Variants in PTPRN2 observed in about 807,000 individuals in gnomAD.
PTPRN2 encodes receptor-type tyrosine-protein phosphatase N2.
PTPRN2 carries 74 observed loss-of-function variants against 118.8 expected under a neutral mutation model. That is an observed-to-expected ratio of 0.62 (90% confidence interval 0.52 to 0.76). The LOEUF is 0.76. PTPRN2 is among the 30% of genes least tolerant of loss of function. The pLI is 0.00. For missense variants in PTPRN2, 1,481 were observed against 1,394.4 expected (o/e 1.06, Z -0.99); for synonymous variants, 641 against 608.0 (o/e 1.05, Z -0.80).
At chr7:157,927,726 G>A (rs59576435) in intron 11 of PTPRN2, among the ~76,000 whole-genome samples, 1,598 of 151,972 alleles carry the variant, frequency 0.011, 36 homozygotes, top group African/African-American at 0.037. Flanking sequence ...GGAGGGAAGC[G>A]AGGTTTTATT....
At position 158,253,128 on chromosome 7, in the gene PTPRN2, C is replaced by A. The variant is rs569123596; in HGVS notation, c.278-47855G>T. Among the ~76,000 whole-genome samples the A allele has an allele frequency of 3.3e-5, 5 of 152,322 alleles. No individual in the cohort carries two copies. In the East Asian group the frequency reaches 9.7e-4, roughly 29 times the overall value. ...TTTAAATATGTGTCAAGCACTAATG[C>A]TGGGAGGACTTAAATAAATACATGA... On this transcript the variant is annotated intron_variant, in intron 3 of 22. Transcript: ENST00000389418.
intron 9 of PTPRN2, among the ~76,000 whole-genome samples, chr7:158,119,329 C>T (rs1433389169): frequency 6.6e-6 from 1 of 152,130 alleles, no homozygotes; most frequent in East Asian, 1.9e-4. Context: ...GTGATACCAC[C>T]TCATACCTAT....
intron 3 of PTPRN2, among the ~76,000 whole-genome samples, chr7:158,256,834 T>C (rs181452050): frequency 1.3e-5 from 2 of 152,306 alleles, no homozygotes; most frequent in East Asian, 3.9e-4. Flanking sequence ...CCAAAAAATA[T>C]AGTCTCTAAG....
chr7:158,363,250 C>T (rs1809151110), intron 2 of PTPRN2, among the ~76,000 whole-genome samples: 2 of 151,258 alleles, frequency 1.3e-5, no homozygotes, highest in African/African-American at 2.4e-5. Flanking sequence ...CGAGAGGCTA[C>T]AGGAGGATGC....
intron 2 of PTPRN2, among the ~76,000 whole-genome samples, chr7:158,424,273 C>T (rs901566972): frequency 2.0e-5 from 3 of 152,192 alleles, no homozygotes; most frequent in Non-Finnish European, 4.4e-5. Context: ...CAACTGCCCA[C>T]GTGGAAGAAA....
intron 11 of PTPRN2, among the ~76,000 whole-genome samples, chr7:157,948,360 G>A (rs1162647748): frequency 6.6e-6 from 1 of 152,214 alleles, no homozygotes; most frequent in African/African-American, 2.4e-5. Context: ...TTGAAGCTAA[G>A]TTGGTATAAA....
intron 3 of PTPRN2, 91 bp downstream of exon 3, chr7:158,316,728 G>A (rs573044160): frequency 4.8e-5 from 46 of 957,808 alleles, no homozygotes; most frequent in South Asian, 2.0e-4. Context: ...GATTCAGTCC[G>A]TCCCAGCTCC....
intron 11 of PTPRN2, among the ~76,000 whole-genome samples, chr7:158,076,913 A>T (rs545346728): frequency 2.0e-5 from 3 of 152,346 alleles, no homozygotes; most frequent in South Asian, 2.1e-4. Flanking sequence ...TGCATTGCCG[A>T]AGACAGAATC....
Position 157,734,174 on chromosome 7 carries a change from T to C in PTPRN2, c.1789-51237A>G, listed in dbSNP as rs1178569264. ...AGCACAGTTACTCTTTTCCACCCCA[T>C]GCACCCAGCACAGTTACTCTTTTCC... On this transcript the variant is annotated intron_variant, in intron 12 of 22. Transcript: ENST00000389418. 4.9e-4 allele frequency among the ~76,000 whole-genome samples: 59 copies of C among 121,498 alleles called. 3 individuals carry two copies. Among genetic ancestry groups the C allele is most frequent in the African/African-American group, 2.5e-3 (53 of 21,078 alleles). 79.7% of individuals were successfully genotyped at this position (121,498 alleles called of 152,430 possible).
chr7:157,562,860 C>T (rs554638697), intron 21 of PTPRN2, among the ~76,000 whole-genome samples: 31 of 144,544 alleles, frequency 2.1e-4, no homozygotes, highest in African/African-American at 8.1e-4. Context: ...GGACCACGTG[C>T]TCCCATGTCA....
In PTPRN2 at chr7:158,134,048, C is replaced by G. The variant is rs199725579; in HGVS notation, c.1185G>C (p.Leu395=). 8.1e-6 allele frequency: 13 copies of G among 1,613,276 alleles called. 1 individual carries two copies. The African/African-American group carries it at 1.2e-4, about 15-fold the overall frequency. ...GCAGGAGGCCCCCGAGTGTGGCACT[C>G]AGACGATGGACCTGACAGAGAGGAC... ...DDRLYQEVHR[L]SATLGGLLQD... Residue 395 remains leucine, a synonymous_variant, in exon 9 of 23, where the codon CTG becomes CTC. Coordinates refer to ENST00000389418, the MANE Select transcript of PTPRN2 (RefSeq NM_002847.5).
At chr7:158,340,081 CCTG>C (rs1806366531) in intron 2 of PTPRN2, among the ~76,000 whole-genome samples, 1 of 74,074 alleles carries the variant, frequency 1.3e-5, no homozygotes, top group Non-Finnish European at 2.9e-5. Context: ...AGAGGTGACA[CCTG>C]CAGACGTCAC....
At chr7:158,362,784 T>A (rs1460738173) in intron 2 of PTPRN2, among the ~76,000 whole-genome samples, 1 of 151,908 alleles carries the variant, frequency 6.6e-6, no homozygotes, top group Non-Finnish European at 1.5e-5. Flanking sequence ...AAGGCAGGGG[T>A]CTGAAAGCCC....
intron 12 of PTPRN2, among the ~76,000 whole-genome samples, chr7:157,730,197 C>CG (rs1554425987): frequency 6.6e-6 from 1 of 152,076 alleles, no homozygotes; most frequent in Non-Finnish European, 1.5e-5. Context: ...TGCCCCCCCC[C>CG]GGGCACTCGG....
intron 3 of PTPRN2, among the ~76,000 whole-genome samples, chr7:158,305,370 G>A (rs1009300254): frequency 6.6e-6 from 1 of 152,156 alleles, no homozygotes; most frequent in Non-Finnish European, 1.5e-5. Context: ...AAAACATAGA[G>A]CTAAAGATAG....
intron 2 of PTPRN2, among the ~76,000 whole-genome samples, chr7:158,397,878 TGAC>T (rs529025457): frequency 0.43 from 65,935 of 151,750 alleles, 15,207 homozygotes; most frequent in East Asian, 0.75. Flanking sequence ...TGCCACGGCC[TGAC>T]AGTAACAATC....
intron 12 of PTPRN2, among the ~76,000 whole-genome samples, chr7:157,775,544 C>T (rs1278648477): frequency 3.3e-5 from 5 of 152,336 alleles, no homozygotes; most frequent in South Asian, 2.1e-4. Flanking sequence ...GGAGCACGCC[C>T]GGGGCACATG....
At chr7:157,853,126 G>A (rs145840405) in intron 12 of PTPRN2, among the ~76,000 whole-genome samples, 212 of 152,224 alleles carry the variant, frequency 1.4e-3, no homozygotes, top group African/African-American at 4.9e-3. Context: ...GTACTCACAC[G>A]GATGCGATGT....
chr7:158,168,352 T>C (rs1193695947), intron 5 of PTPRN2, among the ~76,000 whole-genome samples: 1 of 152,252 alleles, frequency 6.6e-6, no homozygotes, highest in East Asian at 1.9e-4. Flanking sequence ...GACACATTCA[T>C]GAGGCTCGGC....
Sources: gnomAD v4.1 joint callset for allele counts (sites outside exome capture counted in the v4.1 genomes callset) on GRCh38, gnomAD v4.1.1 for gene constraint, MANE v1.5 for transcripts, NCBI Gene and HGNC (gene_info 2026-07-23, HGNC 2026-07-21) for gene names.